Variants in SRGAP3 observed in about 807,000 individuals in gnomAD.
SRGAP3 encodes the protein SLIT-ROBO Rho GTPase-activating protein 3.
A neutral mutation model predicts 121.1 loss-of-function variants in SRGAP3; 39 were observed. The observed-to-expected ratio is 0.32, with a 90% CI of 0.25 to 0.42. The LOEUF is 0.42. Ranked by LOEUF, SRGAP3 falls within the 10% of genes least tolerant of loss-of-function variation. The pLI is 1.00. For missense variants in SRGAP3, 1,213 were observed against 1,470.6 expected, an observed-to-expected ratio of 0.82 and a Z score of 2.86; for synonymous variants, 601 against 570.0, an observed-to-expected ratio of 1.05 and a Z score of -0.77.
intron 18 of SRGAP3, among the ~76,000 whole-genome samples, chr3:9,008,936 C>T (rs1040486621): frequency 6.6e-6 from 1 of 152,150 alleles, no homozygotes; most frequent in African/African-American, 2.4e-5. Flanking sequence ...TGGTGAAAGC[C>T]TGGAATTGCC....
intron 9 of SRGAP3, among the ~76,000 whole-genome samples, chr3:9,052,106 T>C (rs953217619): frequency 6.6e-6 from 1 of 152,214 alleles, no homozygotes; most frequent in African/African-American, 2.4e-5. Flanking sequence ...AGAGAGTCAC[T>C]AGGATACTGA....
At chr3:9,124,979 C>T (rs1269374473) in intron 1 of SRGAP3, 62 bp from the exon 2 acceptor site, 2 of 1,596,160 alleles carry the variant, frequency 1.3e-6, no homozygotes, top group Non-Finnish European at 1.7e-6. Context: ...CTGGGGCCCG[C>T]TCTGCTGCTG....
rs1952710158 is a variant in SRGAP3 at position 9,218,751 on chromosome 3, C to T, written c.67+30134G>A. Among the ~76,000 whole-genome samples, 1 of 152,044 alleles carries T rather than the reference C, an allele frequency of 6.6e-6. No homozygotes were observed. The highest frequency in any genetic ancestry group is 2.1e-4 in the South Asian group (1 of 4,820). The stretch of plus-strand genomic sequence containing the variant: ...GTTGTAATCTCTGCTTGGCTCACTG[C>T]AACCTCAACCTCCCGGATTCAAGTG... On this transcript the variant is annotated intron_variant, in intron 1 of 21. Transcript: ENST00000383836. The surrounding 1 kb of genome is among the most constrained non-coding windows in gnomAD (Gnocchi z 5.3).
intron 1 of SRGAP3, among the ~76,000 whole-genome samples, chr3:9,242,102 G>A (rs1953666208): frequency 6.9e-6 from 1 of 145,552 alleles, no homozygotes; most frequent in Non-Finnish European, 1.5e-5. Context: ...AAAAAAAAGA[G>A]GAAGGAGCGA....
intron 8 of SRGAP3, among the ~76,000 whole-genome samples, chr3:9,053,460 C>T (rs1323023943): frequency 1.3e-5 from 2 of 152,212 alleles, no homozygotes; most frequent in Non-Finnish European, 1.5e-5. Context: ...GATATTTTAT[C>T]GTATGGCTTC....
At chr3:9,082,980 C>T (rs148995228) in intron 3 of SRGAP3, among the ~76,000 whole-genome samples, 95 of 152,296 alleles carry the variant, frequency 6.2e-4, no homozygotes, top group African/African-American at 2.2e-3. Context: ...CCTCCAGCTT[C>T]GAGAGGGTGT....
At chr3:9,136,583 T>C (rs747356682) in intron 1 of SRGAP3, among the ~76,000 whole-genome samples, 2 of 152,194 alleles carry the variant, frequency 1.3e-5, no homozygotes, top group Admixed American at 6.5e-5. Context: ...GGCCATTCTT[T>C]ATTAACCTTT....
At chr3:9,069,296 G>C (rs531798026) in intron 4 of SRGAP3, among the ~76,000 whole-genome samples, 2 of 152,270 alleles carry the variant, frequency 1.3e-5, no homozygotes, top group African/African-American at 4.8e-5. Flanking sequence ...AGATCAGAAG[G>C]GGGTAGATGG....
At chr3:9,056,419 C>A in intron 7 of SRGAP3, 85 bp from the exon 8 acceptor site, 1 of 1,389,626 alleles carries the variant, frequency 7.2e-7, no homozygotes, top group Non-Finnish European at 1.0e-6. Flanking sequence ...CATTAACATC[C>A]CAATCACAGT....
chr3:9,331,388 G>A (rs959383553), intron 1 of SRGAP3, among the ~76,000 whole-genome samples: 1 of 152,052 alleles, frequency 6.6e-6, no homozygotes, highest in Admixed American at 6.6e-5. Flanking sequence ...ACTGACTTTG[G>A]AATGCAATTA....
intron 1 of SRGAP3, among the ~76,000 whole-genome samples, chr3:9,152,958 C>T (rs1489025798): frequency 6.6e-6 from 1 of 152,216 alleles, no homozygotes; most frequent in East Asian, 1.9e-4. Context: ...CTCAGCTTCT[C>T]GCTCTGCCCA....
chr3:9,135,896 T>A (rs555376602), intron 1 of SRGAP3, among the ~76,000 whole-genome samples: 2 of 152,340 alleles, frequency 1.3e-5, no homozygotes, highest in South Asian at 4.1e-4. Context: ...AAATAGGGAA[T>A]AATACCTTCC....
intron 1 of SRGAP3, among the ~76,000 whole-genome samples, chr3:9,333,723 G>C (rs934008885): frequency 2.0e-5 from 3 of 151,886 alleles, no homozygotes; most frequent in African/African-American, 7.3e-5. Flanking sequence ...CATCTGATCT[G>C]CGATAAAAGA....
intron 2 of SRGAP3, among the ~76,000 whole-genome samples, chr3:9,329,384 A>C (rs780337468): frequency 2.0e-5 from 3 of 150,504 alleles, no homozygotes; most frequent in Non-Finnish European, 4.4e-5. Flanking sequence ...GCCAAGCTGC[A>C]TCATAAAGGA....
At chr3:9,028,832 G>A (rs1404367882) in intron 12 of SRGAP3, among the ~76,000 whole-genome samples, 1 of 152,200 alleles carries the variant, frequency 6.6e-6, no homozygotes, top group Non-Finnish European at 1.5e-5. Context: ...AAAAGCTGAG[G>A]AAGGCCTGGA....
intron 2 of SRGAP3, among the ~76,000 whole-genome samples, chr3:9,326,684 G>C (rs984423771): frequency 6.6e-6 from 1 of 151,754 alleles, no homozygotes; most frequent in African/African-American, 2.4e-5. Context: ...TTTGACTTAA[G>C]ACCATGGAGT....
intron 1 of SRGAP3, among the ~76,000 whole-genome samples, chr3:9,137,238 C>T (rs527238522): frequency 3.9e-5 from 6 of 152,174 alleles, no homozygotes; most frequent in Non-Finnish European, 5.9e-5. Flanking sequence ...CAGGTTTTTA[C>T]GCTCTGTCTT....
intron 1 of SRGAP3, chr3:9,194,431 T>G (rs1180117201): frequency 6.6e-6 from 1 of 152,218 alleles, no homozygotes; most frequent in Non-Finnish European, 1.5e-5. Flanking sequence ...CAGTAGGTGC[T>G]CAATAAATGT....
chr3:9,302,963 A>C (rs374526103), intron 3 of SRGAP3, among the ~76,000 whole-genome samples: 2 of 48,154 alleles, frequency 4.2e-5, no homozygotes, highest in East Asian at 3.3e-3. Context: ...TTTTGTCACC[A>C]CTTTTGAAAT....
Sources: gnomAD v4.1 joint callset for allele counts (sites outside exome capture counted in the v4.1 genomes callset) on GRCh38, gnomAD v4.1.1 for gene constraint, Gnocchi (gnomAD v3.1) non-coding constraint, MANE v1.5 for transcripts, NCBI Gene and HGNC (gene_info 2026-07-23, HGNC 2026-07-21) for gene names.